ZNF423: variants seen among roughly 807,000 people sequenced by gnomAD.
ZNF423 encodes the protein zinc finger protein 423, also known as Ebf-associated zinc finger protein.
A neutral mutation model predicts 95.8 loss-of-function variants in ZNF423; 12 were observed. That is an observed-to-expected ratio of 0.13 (90% CI 0.08 to 0.20). ZNF423 has a LOEUF of 0.20. ZNF423 is among the 10% of genes least tolerant of loss of function. The probability of loss-of-function intolerance (pLI) is 1.00; values close to 1 mark genes in which losing one functional copy is unlikely to be tolerated. For synonymous variants in ZNF423, 749 were observed against 711.9 expected, an observed-to-expected ratio of 1.05 and a Z score of -0.83; for missense variants, 1,316 against 1,737.1, an observed-to-expected ratio of 0.76 and a Z score of 4.31.
At chr16:49,617,254 G>C (rs1356074248) in intron 5 of ZNF423, among the ~76,000 whole-genome samples, 1 of 152,186 alleles carries the variant, frequency 6.6e-6, no homozygotes, top group Non-Finnish European at 1.5e-5. Flanking sequence ...AAGGATCCAA[G>C]GCCAGGTCTG....
intron 1 of ZNF423, among the ~76,000 whole-genome samples, chr16:49,833,295 ATGGATTTACG>A (rs2035080822): frequency 6.6e-6 from 1 of 152,220 alleles, no homozygotes; most frequent in African/African-American, 2.4e-5. Flanking sequence ...CCCAAACAGG[ATGGATTTACG>A]TGCGAGAGCA....
At chr16:49,707,509 C>T (rs989943684) in intron 3 of ZNF423, among the ~76,000 whole-genome samples, 34 of 150,694 alleles carry the variant, frequency 2.3e-4, no homozygotes, top group African/African-American at 7.6e-4. Flanking sequence ...CCCAGCTACT[C>T]GGGAGGCTGA....
chr16:49,755,011 G>A (rs545139618), intron 2 of ZNF423, among the ~76,000 whole-genome samples: 10 of 152,294 alleles, frequency 6.6e-5, no homozygotes, highest in South Asian at 6.2e-4. Flanking sequence ...GTCCGCCGGT[G>A]CGGCTATCTT....
chr16:49,533,653 T>C (rs993302344), intron 5 of ZNF423, among the ~76,000 whole-genome samples: 1 of 152,152 alleles, frequency 6.6e-6, no homozygotes, highest in African/African-American at 2.4e-5. Flanking sequence ...GACTAGCCCT[T>C]GTTTCATCAA....
intron 3 of ZNF423, among the ~76,000 whole-genome samples, chr16:49,683,880 G>A (rs1487447018): frequency 6.6e-6 from 1 of 152,124 alleles, no homozygotes; most frequent in Non-Finnish European, 1.5e-5. Flanking sequence ...GAACCAGCCT[G>A]GGCAACATGG....
At chr16:49,742,622 G>T (rs2143503521) in intron 2 of ZNF423, among the ~76,000 whole-genome samples, 1 of 152,204 alleles carries the variant, frequency 6.6e-6, no homozygotes, top group African/African-American at 2.4e-5. Context: ...AGGGGGAGAT[G>T]GGGGAGCAGG....
chr16:49,764,950 G>A (rs77897625), intron 2 of ZNF423, among the ~76,000 whole-genome samples: 10,857 of 148,454 alleles, frequency 0.073, 463 homozygotes, highest in South Asian at 0.13. Context: ...GTAGAGACGC[G>A]GTTTCACCAT....
intron 5 of ZNF423, among the ~76,000 whole-genome samples, chr16:49,544,737 G>C (rs564253701): frequency 6.6e-6 from 1 of 152,378 alleles, no homozygotes; most frequent in African/African-American, 2.4e-5. Context: ...GCCAGGTGCT[G>C]GCATGCAGCA....
At chr16:49,571,766 C>T (rs755186902) in intron 5 of ZNF423, among the ~76,000 whole-genome samples, 2 of 152,160 alleles carry the variant, frequency 1.3e-5, no homozygotes, top group Non-Finnish European at 2.9e-5. Context: ...AAATGCACAG[C>T]CCCTCCCCAC....
chr16:49,547,636 G>A (rs534345103), intron 5 of ZNF423, among the ~76,000 whole-genome samples: 85 of 152,296 alleles, frequency 5.6e-4, no homozygotes, highest in Admixed American at 2.0e-3. Flanking sequence ...CAACCCCCAC[G>A]CCCTCTTCTG....
intron 7 of ZNF423, among the ~76,000 whole-genome samples, chr16:49,503,935 T>C (rs1290419990): frequency 6.6e-6 from 1 of 152,244 alleles, no homozygotes; most frequent in Non-Finnish European, 1.5e-5. Context: ...GCCCCGGCCA[T>C]GCCCAGAGCA....
Position 49,789,518 on chromosome 16 carries a change from C to T in ZNF423, c.69G>A (p.Ser23=), listed in dbSNP as rs375314927. ...KVEEGEASDF[S]LAWDSSVTAA... ...CTGTCACGGAGGAATCCCAGGCCAG[C>T]GAGAAGTCTGAGGCCTCCCCCTCTT... Residue 23 remains serine, a synonymous_variant, in exon 2 of 8, where the codon TCG becomes TCA. Coordinates refer to ENST00000563137, the MANE Select transcript of ZNF423 (RefSeq NM_001379286.1). 3.7e-6 allele frequency: 6 copies of T among 1,612,126 alleles called. No individual in the cohort carries two copies. The highest frequency in any genetic ancestry group is 2.2e-5 in the South Asian group (2 of 90,810).
chr16:49,540,864 G>A (rs1341528476), intron 5 of ZNF423, among the ~76,000 whole-genome samples: 1 of 152,122 alleles, frequency 6.6e-6, no homozygotes, highest in African/African-American at 2.4e-5. Flanking sequence ...GAGAAAAGTA[G>A]GAATCCAAGA....
chr16:49,593,877 C>T (rs533168999), intron 5 of ZNF423, among the ~76,000 whole-genome samples: 2 of 152,308 alleles, frequency 1.3e-5, no homozygotes, highest in Admixed American at 6.5e-5. Context: ...AGAACTCTGC[C>T]AGGGGCTCAG....
At chr16:49,795,092 G>C (rs1396203273) in intron 1 of ZNF423, among the ~76,000 whole-genome samples, 1 of 151,942 alleles carries the variant, frequency 6.6e-6, no homozygotes, top group Non-Finnish European at 1.5e-5. Flanking sequence ...GGCTGGTCTT[G>C]AACTCCTGAC....
chr16:49,815,849 T>A (rs1178335073), intron 1 of ZNF423, among the ~76,000 whole-genome samples: 11 of 127,392 alleles, frequency 8.6e-5, no homozygotes, highest in Non-Finnish European at 1.6e-4. Context: ...TTTTAAGTGT[T>A]ACATTCTAAT....
intron 7 of ZNF423, among the ~76,000 whole-genome samples, chr16:49,515,415 T>C (rs1968092925): frequency 6.6e-6 from 1 of 152,260 alleles, no homozygotes; most frequent in African/African-American, 2.4e-5. Context: ...CTCATATAAA[T>C]GGCAATTTAT....
chr16:49,636,566 C>G lies in ZNF423; in HGVS notation c.2610G>C (p.Leu870=). The G allele has an allele frequency of 1.2e-6, 2 of 1,614,032 alleles. No individual in the cohort carries two copies. Among genetic ancestry groups the G allele is most frequent in the East Asian group, 4.5e-5 (2 of 44,874 alleles). The change falls in exon 4 of 8, where the codon CTG becomes CTC. Residue 870 remains leucine (L), a synonymous_variant. Coordinates refer to ENST00000563137, the MANE Select transcript of ZNF423 (RefSeq NM_001379286.1). This position sits in a 1 kb window ranked among gnomAD's most constrained non-coding sequence, Gnocchi z 8.6. ...TGTTAGGTGCCTCAGGGTTCTTAAG[C>G]AGCATGCCCTGCAGGTCAGCAGGCT... ...KAEPADLQGM[L]LKNPEAPNSH...
chr16:49,617,322 G>A (rs1971911683), intron 5 of ZNF423, among the ~76,000 whole-genome samples: 1 of 152,202 alleles, frequency 6.6e-6, no homozygotes, highest in Non-Finnish European at 1.5e-5. Flanking sequence ...GGGGCCACTG[G>A]CCACAGGACC....
Sources: gnomAD v4.1 joint callset for allele counts (sites outside exome capture counted in the v4.1 genomes callset) on GRCh38, gnomAD v4.1.1 for gene constraint, Gnocchi (gnomAD v3.1) non-coding constraint, MANE v1.5 for transcripts, NCBI Gene and HGNC (gene_info 2026-07-23, HGNC 2026-07-21) for gene names.